Variants in NRXN3 observed in about 807,000 individuals in gnomAD.
NRXN3 encodes the protein neurexin III.
A neutral mutation model predicts 137.6 loss-of-function variants in NRXN3; 32 were observed. The observed-to-expected ratio is 0.23, with a 90% CI of 0.18 to 0.31. The LOEUF is 0.31. Ranked by LOEUF, NRXN3 falls within the 10% of genes least tolerant of loss-of-function variation. The pLI, the probability that NRXN3 is intolerant of heterozygous loss-of-function variation, is 1.00. For synonymous variants in NRXN3, 798 were observed against 784.5 expected (o/e 1.02, Z -0.29); for missense variants, 1,574 against 2,062.5 (o/e 0.76, Z 4.59).
At chr14:78,644,919 C>T (rs765943255) in intron 4 of NRXN3, among the ~76,000 whole-genome samples, 3 of 152,220 alleles carry the variant, frequency 2.0e-5, no homozygotes, top group African/African-American at 7.2e-5. Context: ...CGTGTGGACA[C>T]GTCGTTTCTC....
chr14:78,731,142 C>A (rs1214578423), intron 8 of NRXN3, among the ~76,000 whole-genome samples: 1 of 151,916 alleles, frequency 6.6e-6, no homozygotes, highest in African/African-American at 2.4e-5. Flanking sequence ...AGTAGCGTTC[C>A]TGGGGGCTTT....
At chr14:79,133,603 C>G (rs897958098) in intron 15 of NRXN3, among the ~76,000 whole-genome samples, 1 of 152,088 alleles carries the variant, frequency 6.6e-6, no homozygotes, top group Non-Finnish European at 1.5e-5. Flanking sequence ...TGCTTTAAGC[C>G]TTGTTCCAAG....
At chr14:78,455,521 T>G (rs1165468098) in intron 4 of NRXN3, among the ~76,000 whole-genome samples, 1 of 152,224 alleles carries the variant, frequency 6.6e-6, no homozygotes, top group African/African-American at 2.4e-5. Flanking sequence ...GATTTAGTAC[T>G]CTGCAGACTT....
At chr14:79,314,342 T>C (rs1448816031) in intron 15 of NRXN3, among the ~76,000 whole-genome samples, 3 of 77,840 alleles carry the variant, frequency 3.9e-5, no homozygotes, top group African/African-American at 5.2e-5. Flanking sequence ...CACCCGAATA[T>C]TGCGCTTTTC....
intron 4 of NRXN3, among the ~76,000 whole-genome samples, chr14:78,594,825 C>T (rs1411701399): frequency 6.6e-6 from 1 of 152,248 alleles, no homozygotes; most frequent in Non-Finnish European, 1.5e-5. Context: ...CCAGGAATCA[C>T]AGTTGGTTCC....
At chr14:79,251,959 C>G (rs2075992619) in intron 15 of NRXN3, among the ~76,000 whole-genome samples, 1 of 151,962 alleles carries the variant, frequency 6.6e-6, no homozygotes, top group Admixed American at 6.6e-5. Context: ...GCTGGGACTG[C>G]AGGCACACCA....
chr14:78,436,948 T>C (rs1036558534), intron 4 of NRXN3, among the ~76,000 whole-genome samples: 14 of 152,242 alleles, frequency 9.2e-5, no homozygotes, highest in Non-Finnish European at 2.9e-5. Context: ...GCATGAACTC[T>C]GGCAGGTTTG....
intron 15 of NRXN3, among the ~76,000 whole-genome samples, chr14:79,107,437 A>G (rs1289425720): frequency 1.3e-5 from 2 of 152,192 alleles, no homozygotes; most frequent in African/African-American, 2.4e-5. Context: ...ATCGAAGGCC[A>G]TAGTAAGCAA....
intron 4 of NRXN3, among the ~76,000 whole-genome samples, chr14:78,317,960 A>T (rs959988228): frequency 2.0e-5 from 3 of 152,182 alleles, no homozygotes; most frequent in African/African-American, 7.2e-5. Context: ...TGGATATTTG[A>T]CTCCAAATTT....
intron 15 of NRXN3, among the ~76,000 whole-genome samples, chr14:79,008,010 T>C (rs1040886854): frequency 6.6e-6 from 1 of 151,998 alleles, no homozygotes; most frequent in Non-Finnish European, 1.5e-5. Context: ...CAGCCCAAGG[T>C]GACTCCAATT....
At chr14:79,691,538 G>T (rs1428692465) in intron 17 of NRXN3, among the ~76,000 whole-genome samples, 1 of 152,042 alleles carries the variant, frequency 6.6e-6, no homozygotes, top group Non-Finnish European at 1.5e-5. Flanking sequence ...TGGAAAGATA[G>T]TGATATAAAA....
At chr14:78,789,611 T>C (rs2098799344) in intron 8 of NRXN3, among the ~76,000 whole-genome samples, 1 of 152,148 alleles carries the variant, frequency 6.6e-6, no homozygotes. Flanking sequence ...GCAAAAGTAA[T>C]TGTGGTTTTT....
At chr14:79,349,798 T>G (rs528878774) in intron 15 of NRXN3, among the ~76,000 whole-genome samples, 26 of 152,160 alleles carry the variant, frequency 1.7e-4, no homozygotes, top group Admixed American at 5.2e-4. Context: ...AAGAGGAAAT[T>G]TTGATACAGA....
chr14:79,631,686 C>T (rs957720836), intron 16 of NRXN3, among the ~76,000 whole-genome samples: 60 of 102,398 alleles, frequency 5.9e-4, no homozygotes, highest in African/African-American at 4.0e-3. Flanking sequence ...GACAACTTTT[C>T]TGTCTAGCTA....
At chr14:78,829,445 A>G (rs147283305) in intron 10 of NRXN3, among the ~76,000 whole-genome samples, 20 of 152,304 alleles carry the variant, frequency 1.3e-4, no homozygotes, top group Admixed American at 3.3e-4. Context: ...TTAAGGATCC[A>G]TAGGTCTAGT....
intron 4 of NRXN3, among the ~76,000 whole-genome samples, chr14:78,489,209 G>A (rs2095620180): frequency 6.6e-6 from 1 of 152,160 alleles, no homozygotes; most frequent in South Asian, 2.1e-4. Context: ...TGTGCCATTG[G>A]AAATCATGAA....
rs562989004 is a variant in NRXN3, at chr14:79,472,215, G to T, written c.3444+4813G>T. On this transcript the variant is annotated intron_variant, in intron 16 of 20. Coordinates refer to ENST00000335750, the MANE Select transcript of NRXN3 (RefSeq NM_001330195.2). ...GAAGAGCACATTTTTTCTATTTCAT[G>T]ATTTGCTCAGATTGTCTTTCATTCT... Among the ~76,000 whole-genome samples, 5 of 152,174 alleles carry T rather than the reference G, an allele frequency of 3.3e-5. No individual in the cohort carries two copies. In the South Asian group the frequency reaches 1.0e-3, roughly 32 times the overall value.
chr14:79,853,160 C>T (rs1281770981), intron 20 of NRXN3, among the ~76,000 whole-genome samples: 1 of 152,098 alleles, frequency 6.6e-6, no homozygotes, highest in Non-Finnish European at 1.5e-5. Context: ...AGTGCGTGGG[C>T]CCCCTGCTTA....
chr14:79,441,320 T>C (rs1331348771), intron 15 of NRXN3, among the ~76,000 whole-genome samples: 1 of 147,844 alleles, frequency 6.8e-6, no homozygotes, highest in African/African-American at 2.5e-5. Context: ...AATAAACAGC[T>C]GTCCAAACAA....
Sources: gnomAD v4.1 joint callset for allele counts (sites outside exome capture counted in the v4.1 genomes callset) on GRCh38, gnomAD v4.1.1 for gene constraint, MANE v1.5 for transcripts, NCBI Gene and HGNC (gene_info 2026-07-23, HGNC 2026-07-21) for gene names.